FMN1: variants seen among roughly 807,000 people sequenced by gnomAD.
FMN1 encodes formin 1.
In FMN1, 110 loss-of-function variants were observed where a neutral mutation model predicts 132.4. The ratio of observed to expected loss-of-function variants is 0.83; its 90% CI spans 0.71 to 0.97. The LOEUF (loss-of-function observed/expected upper bound fraction) is 0.97, where lower values mean the gene tolerates loss of function less well. FMN1 is among the 50% of genes least tolerant of loss of function. FMN1 has a pLI of 0.00. For synonymous variants in FMN1, 722 were observed against 651.7 expected (o/e 1.11, Z -1.64); for missense variants, 1,792 against 1,705.3 (o/e 1.05, Z -0.90).
intron 14 of FMN1, 163 bp downstream of exon 14, chr15:32,899,816 C>T (rs1425195903): frequency 1.3e-5 from 9 of 709,440 alleles, no homozygotes; most frequent in Middle Eastern, 4.2e-4. Flanking sequence ...ACTCTTTATT[C>T]GAAAGTGAAA....
rs911750381 is a variant in FMN1, at chr15:32,769,038, G to A, written c.*5272C>T. On this transcript the variant is annotated 3_prime_UTR_variant, in exon 21 of 21. Coordinates refer to ENST00000616417, the MANE Select transcript of FMN1 (RefSeq NM_001277313.2). ...AGTTAGGAGAAGGGCTGGGGATAGA[G>A]GAGGAAATGAGTTCCGTAAGTTCCA... 2.0e-5 allele frequency: 3 copies of A among 152,158 alleles called. No homozygotes were observed. The highest frequency in any genetic ancestry group is 4.8e-5 in the African/African-American group (2 of 41,424). The allele number at this position is 152,158 out of a possible 1,614,324, so 9.4% of individuals were successfully genotyped here.
chr15:32,975,769 C>T (rs897282087), intron 7 of FMN1, among the ~76,000 whole-genome samples: 5 of 152,110 alleles, frequency 3.3e-5, no homozygotes, highest in Admixed American at 2.6e-4. Context: ...ATAAACCACC[C>T]GGTAGAAATG....
At chr15:32,828,848 TCAA>T (rs2058435052) in intron 17 of FMN1, among the ~76,000 whole-genome samples, 1 of 152,238 alleles carries the variant, frequency 6.6e-6, no homozygotes, top group South Asian at 2.1e-4. Flanking sequence ...GTTAGTAGTT[TCAA>T]CGTCTTTTAC....
At chr15:33,010,550 T>C (rs1265207847) in intron 6 of FMN1, among the ~76,000 whole-genome samples, 1 of 152,196 alleles carries the variant, frequency 6.6e-6, no homozygotes. Flanking sequence ...CCTGCTACTA[T>C]TGTTGATATT....
At chr15:32,962,085 T>C (rs549980225) in intron 9 of FMN1, among the ~76,000 whole-genome samples, 1 of 151,892 alleles carries the variant, frequency 6.6e-6, no homozygotes, top group Non-Finnish European at 1.5e-5. Context: ...TTTGTTAATA[T>C]AAGCTCCACA....
intron 6 of FMN1, among the ~76,000 whole-genome samples, chr15:33,045,144 T>C (rs1172199694): frequency 1.3e-5 from 2 of 152,212 alleles, no homozygotes; most frequent in Non-Finnish European, 2.9e-5. Flanking sequence ...ATGCCAGCCG[T>C]GGAAGCTGCT....
At position 32,900,106 on chromosome 15, in the gene FMN1, C is replaced by T. The variant is rs1245966942; in HGVS notation, c.3527G>A (p.Ser1176Asn). Residue 1176 changes from serine to asparagine, a missense_variant, in exon 14 of 21, where the codon AGC becomes AAC. Physicochemically the swap from Ser to Asn is conservative, Grantham distance 46 (BLOSUM62 1). This residue lies in a region of FMN1 where 1,150 missense variants were observed against 1,043.1 expected (regional missense o/e 1.10). Coordinates refer to ENST00000616417, the MANE Select transcript of FMN1 (RefSeq NM_001277313.2). The part of the protein sequence containing the change: ...RASKDLLHVK[S>N]VKDILALILA... Reference sequence around the variant, plus strand: ...GATGAGAGCTAAAATATCCTTCACGCTCTTCACGTGCAGCAAGTCCTGTGA... The same window carrying T: ...GATGAGAGCTAAAATATCCTTCACGTTCTTCACGTGCAGCAAGTCCTGTGA... 1.2e-6 allele frequency: 2 copies of T among 1,613,840 alleles called. No homozygotes were observed. The highest frequency in any genetic ancestry group is 1.3e-5 in the African/African-American group (1 of 75,056).
In FMN1 at chr15:33,058,108, G is replaced by A. The variant is rs575121045; in HGVS notation, c.2161+6849C>T. Among the ~76,000 whole-genome samples, 16 of 152,106 alleles carry A rather than the reference G, an allele frequency of 1.1e-4. No individual in the cohort carries two copies. The East Asian group carries it at 2.1e-3, about 20-fold the overall frequency. On this transcript the variant is annotated intron_variant, in intron 6 of 20. Coordinates refer to ENST00000616417, the MANE Select transcript of FMN1 (RefSeq NM_001277313.2). ...GATGGGGGTGCTGGTGGAAAGGTGC[G>A]GCGGGGCTGCTGGTGGAGGAGGCTG...
At chr15:33,035,745 A>T (rs574046524) in intron 6 of FMN1, among the ~76,000 whole-genome samples, 2 of 152,258 alleles carry the variant, frequency 1.3e-5, no homozygotes, top group African/African-American at 4.8e-5. Context: ...TACACAATGT[A>T]TTTACTATGT....
rs992894276 is a variant in FMN1 at position 32,878,063 on chromosome 15, T to A, written c.3835+10109A>T. ...TGAAAGTAATATGAAAAACGAAGGC[T>A]GTAATAGACAGTGCCTATTCAAAGT... On this transcript the variant is annotated intron_variant, in intron 16 of 20. Coordinates refer to ENST00000616417, the MANE Select transcript of FMN1 (RefSeq NM_001277313.2). 5.9e-5 allele frequency among the ~76,000 whole-genome samples: 9 copies of A among 152,314 alleles called. 1 individual carries two copies. Among genetic ancestry groups the A allele is most frequent in the Admixed American group, 5.9e-4 (9 of 15,300 alleles).
At chr15:32,814,420 G>A (rs865866583) in intron 17 of FMN1, among the ~76,000 whole-genome samples, 9 of 152,094 alleles carry the variant, frequency 5.9e-5, no homozygotes, top group Non-Finnish European at 8.8e-5. Flanking sequence ...CATTTCCAAC[G>A]GGAAGGGTCT....
chr15:33,057,366 C>T (rs1595370036), intron 6 of FMN1, among the ~76,000 whole-genome samples: 1 of 152,128 alleles, frequency 6.6e-6, no homozygotes, highest in Non-Finnish European at 1.5e-5. Flanking sequence ...GAGCTATATA[C>T]TCTTGTGTAC....
chr15:33,162,053 C>T (rs1346012144), intron 3 of FMN1, among the ~76,000 whole-genome samples: 1 of 151,940 alleles, frequency 6.6e-6, no homozygotes, highest in East Asian at 1.9e-4. Context: ...GCTCTGTCAC[C>T]CACGCTGCAG....
chr15:33,158,673 T>C (rs2140296197), intron 3 of FMN1, among the ~76,000 whole-genome samples: 1 of 152,278 alleles, frequency 6.6e-6, no homozygotes, highest in Non-Finnish European at 1.5e-5. Flanking sequence ...CTAAGGAGTT[T>C]CACTATCCCA....
chr15:32,855,157 T>TAAAAAAAAAAA (rs750275479), intron 17 of FMN1, among the ~76,000 whole-genome samples: 187 of 85,138 alleles, frequency 2.2e-3, no homozygotes, highest in Non-Finnish European at 3.3e-3. Flanking sequence ...ACGTGGAGAG[T>TAAAAAAAAAAA]AAAAAAAAAA....
chr15:33,098,113 A>C (rs1291558817), intron 4 of FMN1, among the ~76,000 whole-genome samples: 1 of 152,232 alleles, frequency 6.6e-6, no homozygotes, highest in Non-Finnish European at 1.5e-5. Flanking sequence ...GGAAAATCCC[A>C]AAAACTTGGA....
chr15:33,088,063 G>T (rs910310412), intron 5 of FMN1, among the ~76,000 whole-genome samples: 8 of 152,162 alleles, frequency 5.3e-5, no homozygotes, highest in African/African-American at 1.7e-4. Context: ...TTGAGGGAAA[G>T]GGTTGGGGGA....
chr15:33,061,219 C>T (rs938599349), intron 6 of FMN1, among the ~76,000 whole-genome samples: 1 of 152,174 alleles, frequency 6.6e-6, no homozygotes. Context: ...TACCACAGGT[C>T]AGTCCAAATG....
chr15:33,114,575 G>A (rs1313257758), intron 4 of FMN1, among the ~76,000 whole-genome samples: 5 of 151,990 alleles, frequency 3.3e-5, no homozygotes, highest in African/African-American at 9.7e-5. Context: ...AGAACACCAC[G>A]CAAACGCGAG....
Sources: gnomAD v4.1 joint callset for allele counts (sites outside exome capture counted in the v4.1 genomes callset) on GRCh38, gnomAD v4.1.1 for gene constraint, gnomAD v4.1.1 regional missense constraint, MANE v1.5 for transcripts, NCBI Gene and HGNC (gene_info 2026-07-23, HGNC 2026-07-21) for gene names.